Variants in ZNF334 observed in about 807,000 individuals in gnomAD.
The protein encoded by ZNF334 is zinc finger protein 334.
Under a neutral mutation model 12.4 loss-of-function variants are expected in ZNF334, and 14 were observed. That is an observed-to-expected ratio of 1.13 (90% CI 0.74 to 1.76). ZNF334 has a LOEUF of 1.76. ZNF334 is among the 40% of genes most tolerant of loss of function. ZNF334 has a pLI of 0.00. For synonymous variants in ZNF334, 273 were observed against 269.6 expected, an observed-to-expected ratio of 1.01 and a Z score of -0.12; for missense variants, 797 against 804.5, an observed-to-expected ratio of 0.99 and a Z score of 0.11.
chr20:46,462,713 A>G, the ZNF334 span, among the ~76,000 whole-genome samples: 21 of 152,230 alleles, frequency 1.4e-4, no homozygotes, highest in Middle Eastern at 3.2e-3. Flanking sequence ...TAGCACTGCT[A>G]TATTAACAAC....
chr20:46,511,743 C>G (rs2061658355), intron 2 of ZNF334, among the ~76,000 whole-genome samples: 1 of 152,158 alleles, frequency 6.6e-6, no homozygotes, highest in Non-Finnish European at 1.5e-5. Flanking sequence ...ATAGAAGTCA[C>G]AGGAAACCCA....
At chr20:46,490,728 T>C in the ZNF334 span, 1 of 152,184 alleles carries the variant, frequency 6.6e-6, no homozygotes. Flanking sequence ...CCCTCTAAAG[T>C]CTCCAGTCAC....
Position 46,504,673 on chromosome 20 carries a change from G to A in ZNF334, c.89C>T (p.Ala30Val), listed in dbSNP as rs1229492914. 1.9e-6 allele frequency: 3 copies of A among 1,612,392 alleles called. No homozygotes were observed. Among genetic ancestry groups the A allele is most frequent in the Non-Finnish European group, 1.7e-6 (2 of 1,179,322 alleles). ...CACATCCCTGTACAGGAGCCTCTGA[G>A]CAGGGTCCAGTTGCTGCCATTCCTC... is the stretch of plus-strand genomic sequence containing the variant. ...TQEEWQQLDPAQRLLYRDVML... is the reference protein window; with the variant it reads ...TQEEWQQLDPVQRLLYRDVML... Residue 30 changes from alanine (A) to valine (V), a missense_variant, in exon 3 of 5, where the codon GCT (alanine) becomes GTT (valine). Transcript: ENST00000692313.
chr20:46,499,245 A>G (rs2061078338), downstream of ZNF334, among the ~76,000 whole-genome samples: 2 of 151,446 alleles, frequency 1.3e-5, no homozygotes, highest in South Asian at 4.2e-4. Context: ...CAGAATTATC[A>G]GAAGCTAGGG....
Position 46,504,613 on chromosome 20 carries a change from C to T in ZNF334, c.148+1G>A. On this transcript the variant is annotated splice_donor_variant, in intron 3 of 4. Coordinates refer to ENST00000692313, the MANE Select transcript of ZNF334 (RefSeq NM_001353824.2). LOFTEE classifies it high-confidence loss of function. Reference sequence around the variant, plus strand: ...GAGTTGTACAGGGAAATAGTCCTTACCCACAGAGACCAAGTTGCTGTAGTT... The same window carrying T: ...GAGTTGTACAGGGAAATAGTCCTTATCCACAGAGACCAAGTTGCTGTAGTT... The T allele has an allele frequency of 2.5e-6, 4 of 1,596,274 alleles. No homozygotes were observed. The highest frequency in any genetic ancestry group is 3.4e-6 in the Non-Finnish European group (4 of 1,174,028).
chr20:46,464,071 A>G, the ZNF334 span: 5 of 623,446 alleles, frequency 8.0e-6, no homozygotes, highest in Admixed American at 3.7e-5. Context: ...TCTTTCCTCA[A>G]TGAGCTCCGA....
rs1348547060 is a variant in ZNF334 at position 46,502,342 on chromosome 20, T to A, written c.997A>T (p.Lys333Ter). The change falls in exon 5 of 5, where the codon AAG becomes TAG. Residue 333 changes from lysine (K) to a stop codon, truncating the protein, a stop_gained. Coordinates refer to ENST00000692313, the MANE Select transcript of ZNF334 (RefSeq NM_001353824.2). LOFTEE classifies it low-confidence loss of function (END_TRUNC). ...CTGAAATGTTCAGCCAGGGCTGACT[T>A]CCGAAAAAAGGTCTTTCCACATTCA... Reference protein sequence around the residue: ...CNECGKTFFRKSALAEHFRSH... With the variant: ...CNECGKTFFR 5.0e-6 allele frequency: 8 copies of A among 1,613,472 alleles called. No homozygotes were observed. The highest frequency in any genetic ancestry group is 1.6e-4 in the Middle Eastern group (1 of 6,076).
the ZNF334 span, among the ~76,000 whole-genome samples, chr20:46,480,400 C>T: frequency 6.6e-5 from 10 of 152,124 alleles, no homozygotes; most frequent in Non-Finnish European, 1.3e-4. Flanking sequence ...TACTTTACGC[C>T]GTCCCGCTGC....
chr20:46,484,001 G>C, the ZNF334 span, among the ~76,000 whole-genome samples: 2 of 152,174 alleles, frequency 1.3e-5, no homozygotes, highest in Non-Finnish European at 2.9e-5. Context: ...CAAATCTTTA[G>C]TTTTGACTGA....
the ZNF334 span, among the ~76,000 whole-genome samples, chr20:46,467,235 C>T: frequency 6.6e-6 from 1 of 152,058 alleles, no homozygotes; most frequent in African/African-American, 2.4e-5. Flanking sequence ...AATGATATGG[C>T]TGGAGTTTAC....
chr20:46,501,873 C>G lies in ZNF334; in HGVS notation c.1466G>C (p.Gly489Ala). 6.2e-7 allele frequency: 1 copy of G among 1,610,646 alleles called. No individual in the cohort carries two copies. The highest frequency in any genetic ancestry group is 8.5e-7 in the Non-Finnish European group (1 of 1,178,766). Residue 489 changes from glycine (G) to alanine (A), a missense_variant, in exon 5 of 5, where the codon GGT (glycine) becomes GCT (alanine). Transcript: ENST00000692313. ...HQRTHTGEKH[G>A]VFNKCGRISI... ...GATTCTACCACATTTATTAAACACA[C>G]CATGTTTCTCTCCTGTGTGTGTTCT...
At chr20:46,477,723 C>A in the ZNF334 span, among the ~76,000 whole-genome samples, 1 of 152,310 alleles carries the variant, frequency 6.6e-6, no homozygotes, top group East Asian at 1.9e-4. Flanking sequence ...GGCAAAATTG[C>A]TTATTTTTCT....
chr20:46,491,503 TG>T, the ZNF334 span: 3 of 153,140 alleles, frequency 2.0e-5, no homozygotes, highest in East Asian at 5.8e-4. Flanking sequence ...GTGATGTTTG[TG>T]AGAAATCCTT....
chr20:46,498,253 A>G (rs763648620), downstream of ZNF334, among the ~76,000 whole-genome samples: 1 of 152,188 alleles, frequency 6.6e-6, no homozygotes, highest in Non-Finnish European at 1.5e-5. Flanking sequence ...CTTCCGCAAC[A>G]TATCAAGGTT....
chr20:46,485,723 G>A, the ZNF334 span: 1 of 152,118 alleles, frequency 6.6e-6, no homozygotes, highest in Non-Finnish European at 1.5e-5. Flanking sequence ...TCGGTCTGGA[G>A]TATCATTTTA....
the ZNF334 span, among the ~76,000 whole-genome samples, chr20:46,484,096 G>A: frequency 6.6e-6 from 1 of 150,690 alleles, no homozygotes; most frequent in Non-Finnish European, 1.5e-5. Flanking sequence ...GCAAAAAACC[G>A]ATGTCCCATC....
At position 46,502,927 on chromosome 20, in the gene ZNF334, G is replaced by C; in HGVS notation, c.412C>G (p.Pro138Ala). Reference sequence around the variant, plus strand: ...TTAGTTTTCAAACTGTTTCCTCCTGGATTACATTTATAGGGCATTTTTCTT... The same window carrying C: ...TTAGTTTTCAAACTGTTTCCTCCTGCATTACATTTATAGGGCATTTTTCTT... ...PSRKMPYKCN[P>A]GGNSLKTNSE... The change falls in exon 5 of 5, where the codon CCA becomes GCA. Residue 138 changes from proline to alanine, a missense_variant. By Grantham distance (27) the Pro-to-Ala change is conservative. Transcript: ENST00000692313. The C allele has an allele frequency of 6.2e-7, 1 of 1,613,856 alleles. No homozygotes were observed.
the ZNF334 span, among the ~76,000 whole-genome samples, chr20:46,463,092 C>A: frequency 6.6e-6 from 1 of 152,104 alleles, no homozygotes; most frequent in Non-Finnish European, 1.5e-5. Context: ...ACCAAAAATA[C>A]AAAAATTAGC....
At chr20:46,462,553 T>C in the ZNF334 span, among the ~76,000 whole-genome samples, 2 of 152,238 alleles carry the variant, frequency 1.3e-5, no homozygotes, top group East Asian at 3.8e-4. Context: ...ACAAAGGTTT[T>C]TCAAAAAGTG....
Sources: allele counts gnomAD v4.1 joint callset (sites outside exome capture counted in the v4.1 genomes callset), GRCh38; gene constraint gnomAD v4.1.1; transcripts MANE v1.5; gene names NCBI Gene and HGNC (gene_info 2026-07-23, HGNC 2026-07-21).